Variants in HSD17B4 observed in about 807,000 individuals in gnomAD.
HSD17B4 encodes peroxisomal multifunctional enzyme type 2.
A neutral mutation model predicts 101.0 loss-of-function variants in HSD17B4; 70 were observed. The ratio of observed to expected loss-of-function variants is 0.69; its 90% confidence interval spans 0.57 to 0.85. The LOEUF (loss-of-function observed/expected upper bound fraction) is 0.85, where lower values mean the gene tolerates loss of function less well. Ranked by LOEUF, HSD17B4 falls within the 40% of genes least tolerant of loss-of-function variation. The pLI is 0.00. For synonymous variants in HSD17B4, 347 were observed against 297.1 expected (o/e 1.17, Z -1.73); for missense variants, 984 against 892.4 (o/e 1.10, Z -1.31).
chr5:119,457,708 T>C (rs1754813086), intron 2 of HSD17B4, among the ~76,000 whole-genome samples: 1 of 152,248 alleles, frequency 6.6e-6, no homozygotes, highest in Non-Finnish European at 1.5e-5. Flanking sequence ...ATTTTTACCT[T>C]ATATGTTTTT....
intron 19 of HSD17B4, among the ~76,000 whole-genome samples, chr5:119,526,517 TG>T (rs1753614941): frequency 6.6e-6 from 1 of 151,966 alleles, no homozygotes; most frequent in Non-Finnish European, 1.5e-5. Context: ...ATATTATTTT[TG>T]TGTATGTTTA....
intron 2 of HSD17B4, among the ~76,000 whole-genome samples, chr5:119,470,754 G>A (rs1756285398): frequency 6.6e-6 from 1 of 152,106 alleles, no homozygotes; most frequent in Admixed American, 6.5e-5. Flanking sequence ...TTGTTGTTTT[G>A]ATTCTTCTCT....
In HSD17B4 at chr5:119,528,253, C is replaced by G. The variant is rs141984799; in HGVS notation, c.1767+1034C>G. Among the ~76,000 whole-genome samples, 795 of 152,224 alleles carry G rather than the reference C, an allele frequency of 5.2e-3. 10 individuals are homozygous for G. The highest frequency in any genetic ancestry group is 0.018 in the African/African-American group (759 of 41,544). The stretch of plus-strand genomic sequence containing the variant: ...GATAGAAACCCGATCAGCATGGCTT[C>G]AAAGCTTTGATTACAGGCCCCAAAT... On this transcript the variant is annotated intron_variant, in intron 20 of 23. Transcript: ENST00000510025.
chr5:119,496,089 T>G (rs1420121021), intron 11 of HSD17B4, among the ~76,000 whole-genome samples: 1 of 152,194 alleles, frequency 6.6e-6, no homozygotes, highest in Non-Finnish European at 1.5e-5. Context: ...TCTTCAGAGC[T>G]ATTACTTGTA....
At chr5:119,462,298 A>G (rs1286336364) in intron 2 of HSD17B4, among the ~76,000 whole-genome samples, 3 of 56,994 alleles carry the variant, frequency 5.3e-5, no homozygotes, top group South Asian at 4.4e-4. Context: ...AGTGGAACTA[A>G]TGATCTTTTT....
intron 7 of HSD17B4, 129 bp downstream of exon 7, chr5:119,477,630 C>T: frequency 1.3e-6 from 1 of 750,290 alleles, no homozygotes; most frequent in Non-Finnish European, 2.4e-6. Flanking sequence ...AACCTTTTAA[C>T]ATATGGTTTT....
At chr5:119,504,786 G>C (rs531106425) in intron 14 of HSD17B4, among the ~76,000 whole-genome samples, 1 of 152,058 alleles carries the variant, frequency 6.6e-6, no homozygotes, top group African/African-American at 2.4e-5. Flanking sequence ...TGTTTTGATC[G>C]TAATTGCTTT....
intron 6 of HSD17B4, 146 bp downstream of exon 6, chr5:119,476,016 C>A: frequency 1.5e-6 from 1 of 657,770 alleles, no homozygotes; most frequent in Non-Finnish European, 2.7e-6. Flanking sequence ...ATACTGAAGA[C>A]AATGAATAGT....
At chr5:119,473,714 C>G (rs544224530) in intron 2 of HSD17B4, among the ~76,000 whole-genome samples, 194 bp from the exon 3 acceptor site, 18 of 152,184 alleles carry the variant, frequency 1.2e-4, no homozygotes, top group African/African-American at 3.9e-4. Context: ...TTCTTTATGT[C>G]TGTATTCAAA....
At chr5:119,521,204 GTGCATCA>G (rs1753086469) in intron 17 of HSD17B4, among the ~76,000 whole-genome samples, 1 of 152,132 alleles carries the variant, frequency 6.6e-6, no homozygotes, top group Admixed American at 6.5e-5. Context: ...CTTAAAAATG[GTGCATCA>G]TTGTTGTCTT....
At chr5:119,506,474 T>C (rs570978695) in intron 14 of HSD17B4, among the ~76,000 whole-genome samples, 38 of 152,328 alleles carry the variant, frequency 2.5e-4, no homozygotes, top group African/African-American at 8.9e-4. Flanking sequence ...CCACAATAAA[T>C]ATACGTGTGC....
intron 8 of HSD17B4, among the ~76,000 whole-genome samples, chr5:119,480,086 C>A (rs528662761): frequency 6.6e-6 from 1 of 152,082 alleles, no homozygotes; most frequent in Non-Finnish European, 1.5e-5. Context: ...TACCTAGTGA[C>A]ATATGTTATT....
intron 1 of HSD17B4, among the ~76,000 whole-genome samples, chr5:119,453,910 A>G (rs965317490): frequency 1.3e-5 from 2 of 152,196 alleles, no homozygotes; most frequent in Non-Finnish European, 2.9e-5. Context: ...GATAATTTTC[A>G]TGCAGGAGGT....
chr5:119,484,688 A>G (rs1271527281), intron 8 of HSD17B4, among the ~76,000 whole-genome samples: 2 of 152,192 alleles, frequency 1.3e-5, no homozygotes, highest in South Asian at 2.1e-4. Flanking sequence ...TACTTATGGT[A>G]CCATATATTT....
At chr5:119,487,405 G>C (rs1011079325) in intron 8 of HSD17B4, 1 of 151,868 alleles carries the variant, frequency 6.6e-6, no homozygotes, top group African/African-American at 2.4e-5. Flanking sequence ...GGTTGAGTAA[G>C]TAAACCTTTC....
intron 17 of HSD17B4, among the ~76,000 whole-genome samples, chr5:119,524,728 G>T (rs1753420384): frequency 6.6e-6 from 1 of 152,052 alleles, no homozygotes; most frequent in Admixed American, 6.6e-5. Flanking sequence ...TTTTCTTGCA[G>T]GGTGAGCTAA....
chr5:119,470,752 TTGA>T (rs1756285124), intron 2 of HSD17B4, among the ~76,000 whole-genome samples: 1 of 152,224 alleles, frequency 6.6e-6, no homozygotes, highest in South Asian at 2.1e-4. Context: ...ATTTGTTGTT[TTGA>T]TTCTTCTCTG....
chr5:119,531,219 A>G, intron 21 of HSD17B4, 47 bp from the exon 22 acceptor site: 2 of 1,592,806 alleles, frequency 1.3e-6, no homozygotes, highest in South Asian at 1.1e-5. Flanking sequence ...TTTCTCCATG[A>G]GTTATTTTTA....
chr5:119,484,343 G>A (rs1412592000), intron 8 of HSD17B4, among the ~76,000 whole-genome samples: 4 of 152,116 alleles, frequency 2.6e-5, no homozygotes, highest in African/African-American at 4.8e-5. Context: ...TCTATTTCTG[G>A]CTTCTCTGTT....
Sources: allele counts gnomAD v4.1 joint callset (sites outside exome capture counted in the v4.1 genomes callset), GRCh38; gene constraint gnomAD v4.1.1; transcripts MANE v1.5; gene names NCBI Gene and HGNC (gene_info 2026-07-23, HGNC 2026-07-21).